Variants in HPSE2 observed in about 807,000 individuals in gnomAD.
The protein encoded by HPSE2 is heparanase 2 (inactive).
In HPSE2, 38 loss-of-function variants were observed where a neutral mutation model predicts 60.5. The ratio of observed to expected loss-of-function variants is 0.63; its 90% CI spans 0.48 to 0.82. The LOEUF is 0.82. Among genes scored for constraint, HPSE2 ranks in the 40% least tolerant of loss-of-function variants. The pLI is 0.00. For missense variants in HPSE2, 713 were observed against 740.4 expected (o/e 0.96, Z 0.43); for synonymous variants, 295 against 293.2 (o/e 1.01, Z -0.06).
chr10:98,921,498 C>T (rs1954281595), intron 3 of HPSE2, among the ~76,000 whole-genome samples: 1 of 152,104 alleles, frequency 6.6e-6, no homozygotes, highest in Non-Finnish European at 1.5e-5. Context: ...AGAGGGATTA[C>T]CAGAAGATTA....
At chr10:98,977,003 T>G (rs1956100947) in intron 3 of HPSE2, among the ~76,000 whole-genome samples, 1 of 152,174 alleles carries the variant, frequency 6.6e-6, no homozygotes, top group Admixed American at 6.5e-5. Flanking sequence ...AGTCACCAGA[T>G]GCTGTAAGAG....
At chr10:98,902,473 C>T (rs1421473537) in intron 3 of HPSE2, among the ~76,000 whole-genome samples, 1 of 152,092 alleles carries the variant, frequency 6.6e-6, no homozygotes, top group Non-Finnish European at 1.5e-5. Context: ...AACCTCAATA[C>T]CTAAAGTATG....
At chr10:99,151,607 G>A (rs929302283) in intron 2 of HPSE2, among the ~76,000 whole-genome samples, 10 of 152,074 alleles carry the variant, frequency 6.6e-5, no homozygotes, top group South Asian at 6.2e-4. Context: ...TTAAAAGCAC[G>A]GAGGAAAAAA....
At chr10:99,128,057 G>A (rs750228629) in intron 3 of HPSE2, among the ~76,000 whole-genome samples, 4 of 152,098 alleles carry the variant, frequency 2.6e-5, no homozygotes, top group Non-Finnish European at 5.9e-5. Flanking sequence ...AAATCTCATA[G>A]GGTCTATAAA....
rs1849819333 is a variant in HPSE2, at chr10:99,235,731, C to T, written c.72G>A (p.Pro24=). The change falls in exon 1 of 12, where the codon CCG becomes CCA. Residue 24 remains proline (P), a synonymous_variant. Transcript: ENST00000370552. ...GCAACAGAGCCAAGTAGAGAGCCCC[C>T]GGGGCTAGGCACGCGGGGGGGCGGG... is the stretch of plus-strand genomic sequence containing the variant. The part of the protein sequence containing the change: ...SNSRPPACLA[P]GALYLALLLH... 1 of 1,613,816 alleles carries T rather than the reference C, an allele frequency of 6.2e-7. No individual in the cohort carries two copies.
intron 3 of HPSE2, among the ~76,000 whole-genome samples, chr10:98,875,967 T>C (rs1952866403): frequency 6.6e-6 from 1 of 151,984 alleles, no homozygotes; most frequent in Admixed American, 6.6e-5. Flanking sequence ...ATTAAAAAAA[T>C]ACAGGTTTGC....
At chr10:98,931,914 CAA>C (rs1269443373) in intron 3 of HPSE2, among the ~76,000 whole-genome samples, 1 of 143,688 alleles carries the variant, frequency 7.0e-6, no homozygotes, top group African/African-American at 2.8e-5. Context: ...CATTGGCAAA[CAA>C]AGACAATTTG....
intron 2 of HPSE2, among the ~76,000 whole-genome samples, chr10:99,205,416 T>C (rs1848712254): frequency 6.6e-6 from 1 of 152,030 alleles, no homozygotes; most frequent in Non-Finnish European, 1.5e-5. Context: ...AGCCCCTCTC[T>C]ACCAAAACTA....
At chr10:98,598,765 G>A (rs994010805) in intron 9 of HPSE2, among the ~76,000 whole-genome samples, 3 of 151,924 alleles carry the variant, frequency 2.0e-5, no homozygotes, top group African/African-American at 7.3e-5. Flanking sequence ...GGAGTCTGGT[G>A]TCATCAGGAC....
intron 2 of HPSE2, among the ~76,000 whole-genome samples, chr10:99,217,577 T>G (rs12777357): frequency 1.2e-3 from 188 of 151,380 alleles, no homozygotes; most frequent in Non-Finnish European, 1.9e-3. Flanking sequence ...ACCCAGTTTT[T>G]TTGTTGTTGT....
At chr10:99,046,345 G>C (rs1364847439) in intron 3 of HPSE2, among the ~76,000 whole-genome samples, 1 of 151,912 alleles carries the variant, frequency 6.6e-6, no homozygotes, top group Non-Finnish European at 1.5e-5. Flanking sequence ...AATAGTAAGA[G>C]CTATATAACA....
intron 3 of HPSE2, among the ~76,000 whole-genome samples, chr10:98,932,333 T>C (rs1954663469): frequency 6.9e-6 from 1 of 144,344 alleles, no homozygotes; most frequent in African/African-American, 2.8e-5. Flanking sequence ...CTGATCATGG[T>C]GGATAAACTT....
the HPSE2 span, among the ~76,000 whole-genome samples, chr10:99,297,179 A>G: frequency 1.3e-5 from 2 of 152,040 alleles, no homozygotes. Flanking sequence ...GCCACAGTTG[A>G]GCCTACTGGT....
At chr10:98,558,046 C>T (rs760579127) in intron 9 of HPSE2, among the ~76,000 whole-genome samples, 8 of 152,000 alleles carry the variant, frequency 5.3e-5, no homozygotes, top group Admixed American at 1.3e-4. Flanking sequence ...GGAAAAGGTG[C>T]TGAATGTCAT....
At chr10:98,546,428 A>G (rs1399456674) in intron 9 of HPSE2, among the ~76,000 whole-genome samples, 1 of 148,516 alleles carries the variant, frequency 6.7e-6, no homozygotes, top group East Asian at 2.0e-4. Context: ...AGTAACCAAA[A>G]CAGCATGGTA....
chr10:98,522,899 A>G (rs1942844665), intron 9 of HPSE2, among the ~76,000 whole-genome samples: 1 of 152,198 alleles, frequency 6.6e-6, no homozygotes, highest in Non-Finnish European at 1.5e-5. Context: ...GAGGACTGGT[A>G]ACTAACTGGC....
the HPSE2 span, among the ~76,000 whole-genome samples, chr10:99,268,268 A>G: frequency 6.6e-6 from 1 of 152,168 alleles, no homozygotes; most frequent in Non-Finnish European, 1.5e-5. Flanking sequence ...GCCACTACCA[A>G]CCCAACACTA....
intron 9 of HPSE2, among the ~76,000 whole-genome samples, chr10:98,553,461 G>T (rs1943916641): frequency 6.6e-6 from 1 of 152,164 alleles, no homozygotes; most frequent in Non-Finnish European, 1.5e-5. Flanking sequence ...CAAATCCCTA[G>T]GGGTCAACTA....
At chr10:98,745,090 T>G (rs183175120) in intron 3 of HPSE2, among the ~76,000 whole-genome samples, 2,287 of 152,210 alleles carry the variant, frequency 0.015, 32 homozygotes, top group African/African-American at 0.03. Flanking sequence ...TAGTCCCAGC[T>G]ACTCAGGAGG....
Sources: allele counts gnomAD v4.1 joint callset (sites outside exome capture counted in the v4.1 genomes callset), GRCh38; gene constraint gnomAD v4.1.1; transcripts MANE v1.5; gene names NCBI Gene and HGNC (gene_info 2026-07-23, HGNC 2026-07-21).